MED27: variants seen among roughly 807,000 people sequenced by gnomAD.
The protein encoded by MED27 is mediator of RNA polymerase II transcription subunit 27.
MED27 carries 30 observed loss-of-function variants against 38.2 expected under a neutral mutation model. That is an observed-to-expected ratio of 0.79 (90% CI 0.59 to 1.07). The LOEUF is 1.07. Ranked by LOEUF, MED27 falls within the 50% of genes least tolerant of loss-of-function variation. MED27 has a pLI of 0.00. For synonymous variants in MED27, 122 were observed against 153.5 expected, an observed-to-expected ratio of 0.79 and a Z score of 1.52; for missense variants, 289 against 397.5, an observed-to-expected ratio of 0.73 and a Z score of 2.32.
At chr9:131,980,504 T>G (rs1831710345) in intron 3 of MED27, among the ~76,000 whole-genome samples, 1 of 152,204 alleles carries the variant, frequency 6.6e-6, no homozygotes, top group African/African-American at 2.4e-5. Flanking sequence ...GCACTTTGTC[T>G]TTCCATAAAA....
intron 6 of MED27, among the ~76,000 whole-genome samples, chr9:131,882,398 T>C (rs1589182059): frequency 6.6e-6 from 1 of 152,188 alleles, no homozygotes; most frequent in African/African-American, 2.4e-5. Context: ...ATGTACACTA[T>C]TGTGAAGGCA....
At chr9:131,875,016 G>A (rs935116223) in intron 6 of MED27, among the ~76,000 whole-genome samples, 12 of 152,286 alleles carry the variant, frequency 7.9e-5, no homozygotes, top group Non-Finnish European at 1.6e-4. Flanking sequence ...CTGGGAGAGA[G>A]ACCCCGCCAA....
chr9:132,036,397 C>G (rs1833078030), intron 2 of MED27, among the ~76,000 whole-genome samples: 1 of 152,054 alleles, frequency 6.6e-6, no homozygotes, highest in Non-Finnish European at 1.5e-5. Flanking sequence ...GTAGAGAGGT[C>G]TACTATGTTG....
At chr9:131,984,020 G>A (rs759277939) in intron 3 of MED27, among the ~76,000 whole-genome samples, 17 of 151,970 alleles carry the variant, frequency 1.1e-4, no homozygotes, top group Non-Finnish European at 1.8e-4. Flanking sequence ...TGGTGTTCAC[G>A]GCCTCAACTT....
chr9:132,064,171 G>A (rs1409380559), intron 2 of MED27, among the ~76,000 whole-genome samples: 4 of 152,208 alleles, frequency 2.6e-5, no homozygotes, highest in Admixed American at 1.3e-4. Flanking sequence ...TGGCAAGGTA[G>A]ATAAATCTTG....
intron 3 of MED27, among the ~76,000 whole-genome samples, chr9:131,968,950 C>G: frequency 6.6e-6 from 1 of 152,164 alleles, no homozygotes; most frequent in East Asian, 1.9e-4. Context: ...CTAGCTTGCA[C>G]GCTCCTTATG....
chr9:132,025,407 C>A (rs1407321360), intron 2 of MED27, among the ~76,000 whole-genome samples: 1 of 152,188 alleles, frequency 6.6e-6, no homozygotes, highest in Non-Finnish European at 1.5e-5. Context: ...GTCTCGAACT[C>A]CCAACCTCAG....
chr9:131,890,643 C>T (rs527566595), intron 5 of MED27, among the ~76,000 whole-genome samples: 1 of 152,310 alleles, frequency 6.6e-6, no homozygotes, highest in Admixed American at 6.5e-5. Flanking sequence ...CCAGACAGGA[C>T]TGGGCTCCTA....
chr9:132,057,536 T>C (rs1417145396), intron 2 of MED27, among the ~76,000 whole-genome samples: 2 of 152,226 alleles, frequency 1.3e-5, no homozygotes, highest in Non-Finnish European at 2.9e-5. Context: ...TTCTCTTGCA[T>C]CTGCAGCTAG....
At chr9:131,894,616 T>C (rs1300785150) in intron 4 of MED27, among the ~76,000 whole-genome samples, 6 of 143,380 alleles carry the variant, frequency 4.2e-5, no homozygotes, top group Non-Finnish European at 7.6e-5. Flanking sequence ...GCACATATTA[T>C]ACATTAAAAA....
chr9:131,939,516 G>A (rs1228413550), intron 3 of MED27, 42 bp from the exon 4 acceptor site: 1 of 1,265,974 alleles, frequency 7.9e-7, no homozygotes, highest in African/African-American at 1.5e-5. Context: ...TACAACTCCA[G>A]TTAAGAGCTA....
At chr9:132,039,186 A>G (rs1833149272) in intron 2 of MED27, among the ~76,000 whole-genome samples, 1 of 152,210 alleles carries the variant, frequency 6.6e-6, no homozygotes, top group Non-Finnish European at 1.5e-5. Flanking sequence ...GAAACCACAA[A>G]GAACACTATT....
chr9:131,930,497 T>A (rs1204778535), intron 4 of MED27, among the ~76,000 whole-genome samples: 1 of 152,118 alleles, frequency 6.6e-6, no homozygotes, highest in African/African-American at 2.4e-5. Flanking sequence ...ACTTTTACCC[T>A]AGAATAGTAT....
chr9:131,866,942 C>T (rs1017724073), intron 6 of MED27, among the ~76,000 whole-genome samples: 18 of 152,220 alleles, frequency 1.2e-4, no homozygotes, highest in Non-Finnish European at 2.4e-4. Context: ...CCTGAGTCCT[C>T]CCCTCAGCAC....
At chr9:131,972,904 C>A (rs1432176232) in intron 3 of MED27, among the ~76,000 whole-genome samples, 3 of 152,126 alleles carry the variant, frequency 2.0e-5, no homozygotes, top group Non-Finnish European at 1.5e-5. Context: ...AAAAAATTAG[C>A]CAGGTGTGAT....
chr9:131,962,889 T>C (rs1044250981), intron 3 of MED27, among the ~76,000 whole-genome samples: 1 of 152,232 alleles, frequency 6.6e-6, no homozygotes, highest in Non-Finnish European at 1.5e-5. Context: ...ATGAAGTTCA[T>C]AGTAAGATGG....
At chr9:132,021,008 T>C (rs995287186) in intron 2 of MED27, among the ~76,000 whole-genome samples, 4 of 152,198 alleles carry the variant, frequency 2.6e-5, no homozygotes, top group African/African-American at 9.7e-5. Flanking sequence ...CTTCAATTAC[T>C]AGGAAAGCAG....
intron 4 of MED27, among the ~76,000 whole-genome samples, chr9:131,905,701 C>CAAAAAAAAAAA (rs58848280): frequency 1.6e-5 from 1 of 60,942 alleles, no homozygotes; most frequent in Non-Finnish European, 2.8e-5. Context: ...AAGACCTTGT[C>CAAAAAAAAAAA]AAAAAAAAAA....
At chr9:132,073,858 A>G (rs2131169968) in intron 2 of MED27, 4 of 1,309,506 alleles carry the variant, frequency 3.1e-6, no homozygotes, top group African/African-American at 1.5e-5. Context: ...TTGCAGCTTC[A>G]GATGTTGCCA....
Sources: gnomAD v4.1 joint callset for allele counts (sites outside exome capture counted in the v4.1 genomes callset) on GRCh38, gnomAD v4.1.1 for gene constraint, MANE v1.5 for transcripts, NCBI Gene and HGNC (gene_info 2026-07-23, HGNC 2026-07-21) for gene names.